The following WDR7 variants were observed in gnomAD, a reference collection of about 807,000 sequenced individuals.
The protein encoded by WDR7 is WD repeat domain 7.
A neutral mutation model predicts 169.4 loss-of-function variants in WDR7; 46 were observed. That is an observed-to-expected ratio of 0.27 (90% CI 0.21 to 0.35). WDR7 has a LOEUF of 0.35. Among genes scored for constraint, WDR7 ranks in the 10% least tolerant of loss-of-function variants. The pLI is 1.00. For synonymous variants in WDR7, 612 were observed against 666.8 expected, an observed-to-expected ratio of 0.92 and a Z score of 1.27; for missense variants, 1,534 against 1,859.3, an observed-to-expected ratio of 0.83 and a Z score of 3.22.
chr18:56,927,900 A>C (rs2046829439), intron 22 of WDR7, among the ~76,000 whole-genome samples: 1 of 152,150 alleles, frequency 6.6e-6, no homozygotes, highest in Non-Finnish European at 1.5e-5. Flanking sequence ...CCATGATGCA[A>C]AGTGGGAAGG....
chr18:56,963,633 C>T (rs2047365183), intron 26 of WDR7, among the ~76,000 whole-genome samples: 1 of 151,952 alleles, frequency 6.6e-6, no homozygotes, highest in African/African-American at 2.4e-5. Flanking sequence ...ATTTTCTGGG[C>T]GTGCATCAAA....
At chr18:56,800,830 G>A (rs12326383) in intron 19 of WDR7, among the ~76,000 whole-genome samples, 1,836 of 152,114 alleles carry the variant, frequency 0.012, 32 homozygotes, top group Middle Eastern at 0.075. Context: ...TATTTTCCCT[G>A]CCTTCCGTAG....
chr18:56,994,977 G>A (rs535999570), intron 26 of WDR7, among the ~76,000 whole-genome samples: 1 of 152,264 alleles, frequency 6.6e-6, no homozygotes, highest in South Asian at 2.1e-4. Flanking sequence ...ATCAAATTTA[G>A]AATCTAAGTT....
At chr18:56,812,515 C>G (rs2044888038) in intron 19 of WDR7, among the ~76,000 whole-genome samples, 1 of 152,152 alleles carries the variant, frequency 6.6e-6, no homozygotes, top group South Asian at 2.1e-4. Context: ...ATTGCAAAGG[C>G]TGGAATGTCC....
rs967991550 is a variant in WDR7 at position 57,029,649 on chromosome 18, G to A, written c.*2442G>A. The A allele has an allele frequency of 6.6e-6, 1 of 152,064 alleles. No homozygotes were observed. Among genetic ancestry groups the A allele is most frequent in the Non-Finnish European group, 1.5e-5 (1 of 68,014 alleles). 9.4% of individuals were successfully genotyped at this position (152,064 alleles called of 1,614,324 possible). The stretch of plus-strand genomic sequence containing the variant: ...CATGACGTGACACCTGTATGAAAAT[G>A]TGATGATTGAACTCCCTGTGTACAG... On this transcript the variant is annotated 3_prime_UTR_variant, in exon 28 of 28. Transcript: ENST00000254442.
At chr18:56,974,639 G>T (rs72930733) in intron 26 of WDR7, among the ~76,000 whole-genome samples, 5 of 152,128 alleles carry the variant, frequency 3.3e-5, no homozygotes, top group Admixed American at 6.5e-5. Flanking sequence ...CACCAGTTAG[G>T]ATATGTGACA....
Position 56,686,986 on chromosome 18 carries a change from A to G in WDR7, c.717+12A>G, listed in dbSNP as rs990688973. 6 of 1,598,730 alleles carry G rather than the reference A, an allele frequency of 3.8e-6. No individual in the cohort carries two copies. Among genetic ancestry groups the G allele is most frequent in the Non-Finnish European group, 5.1e-6 (6 of 1,172,906 alleles). On this transcript the variant is annotated intron_variant, in intron 7 of 27. Transcript: ENST00000254442. ...CCAAATATTGGAGGGTAAGATAATT[A>G]TATAAATAAGAAGCTGTATTTTTAT...
At chr18:56,992,339 T>C (rs1158964221) in intron 26 of WDR7, among the ~76,000 whole-genome samples, 2 of 152,246 alleles carry the variant, frequency 1.3e-5, no homozygotes, top group East Asian at 1.9e-4. Context: ...AATATCTTTA[T>C]GATGATGAAA....
chr18:56,992,969 A>G (rs1413419886), intron 26 of WDR7, among the ~76,000 whole-genome samples: 1 of 152,226 alleles, frequency 6.6e-6, no homozygotes, highest in Non-Finnish European at 1.5e-5. Context: ...TGCTGATTCA[A>G]ACTACAAGCT....
chr18:56,665,305 AAAAGAAG>A (rs2024995056), intron 1 of WDR7, among the ~76,000 whole-genome samples: 2 of 95,016 alleles, frequency 2.1e-5, no homozygotes, highest in Admixed American at 1.4e-4. Context: ...AAAAAAAAAA[AAAAGAAG>A]AAGAAGAAGA....
At chr18:56,913,507 C>T (rs1403723721) in intron 21 of WDR7, among the ~76,000 whole-genome samples, 1 of 151,080 alleles carries the variant, frequency 6.6e-6, no homozygotes, top group Admixed American at 6.6e-5. Context: ...AGAATTCAGA[C>T]AAGAAAGAGT....
chr18:56,874,825 C>CAAGA (rs1380961884), intron 20 of WDR7, among the ~76,000 whole-genome samples: 3 of 150,520 alleles, frequency 2.0e-5, no homozygotes, highest in African/African-American at 5.0e-5. Flanking sequence ...ATAACAGCAA[C>CAAGA]AAGAAGAAAT....
chr18:56,727,181 T>C (rs578087352), intron 13 of WDR7, among the ~76,000 whole-genome samples: 2 of 152,316 alleles, frequency 1.3e-5, no homozygotes, highest in Admixed American at 6.5e-5. Flanking sequence ...TCTATTTTTT[T>C]CCCAATTATT....
chr18:56,931,799 A>G lies in WDR7; in HGVS notation c.3714-3989A>G, dbSNP rs190800591. Among the ~76,000 whole-genome samples the G allele has an allele frequency of 4.2e-3, 635 of 152,168 alleles. 7 individuals are homozygous for G. Among genetic ancestry groups the G allele is most frequent in the African/African-American group, 0.015 (606 of 41,444 alleles). On this transcript the variant is annotated intron_variant, in intron 22 of 27. Transcript: ENST00000254442. ...GGGAGGAGACTGCACCAATGGGGAAAGGGCTAGAGGAGAAACCTTAGCAAA... is the reference window on the plus strand; with the variant it reads ...GGGAGGAGACTGCACCAATGGGGAAGGGGCTAGAGGAGAAACCTTAGCAAA...
intron 21 of WDR7, among the ~76,000 whole-genome samples, chr18:56,900,758 G>A (rs1050497478): frequency 6.6e-6 from 1 of 152,170 alleles, no homozygotes; most frequent in Non-Finnish European, 1.5e-5. Context: ...CAGGGATGGG[G>A]GCTAGAGCTG....
At chr18:56,738,380 G>A (rs1387482696) in intron 14 of WDR7, among the ~76,000 whole-genome samples, 2 of 152,074 alleles carry the variant, frequency 1.3e-5, no homozygotes, top group Non-Finnish European at 2.9e-5. Flanking sequence ...ACCAGCCTGG[G>A]CAATGGTGAA....
chr18:56,820,508 AT>A (rs138049227), intron 20 of WDR7, among the ~76,000 whole-genome samples: 2,115 of 151,966 alleles, frequency 0.014, 48 homozygotes, highest in African/African-American at 0.049. Flanking sequence ...CTACATTTTG[AT>A]TACTCATTCA....
chr18:56,731,078 A>G (rs896492758), intron 13 of WDR7, among the ~76,000 whole-genome samples: 45 of 152,188 alleles, frequency 3.0e-4, no homozygotes, highest in African/African-American at 9.9e-4. Flanking sequence ...ATGGGACAGG[A>G]GTAGTCAAGA....
chr18:56,781,552 C>T lies in WDR7; in HGVS notation c.3086C>T (p.Ala1029Val). 1 of 1,610,250 alleles carries T rather than the reference C, an allele frequency of 6.2e-7. No homozygotes were observed. Among genetic ancestry groups the T allele is most frequent in the Non-Finnish European group, 8.5e-7 (1 of 1,178,128 alleles). ...RCLEVREAAQ[A>V]LLLAELRRIE... ...TCTTAGGTGAGAGAAGCCGCGCAGGCCCTGCTTCTGGCGGAACTGAGAAGA... is the reference window on the plus strand; with the variant it reads ...TCTTAGGTGAGAGAAGCCGCGCAGGTCCTGCTTCTGGCGGAACTGAGAAGA... Residue 1029 changes from alanine to valine, a missense_variant, in exon 19 of 28, where the codon GCC (alanine) becomes GTC (valine). Coordinates refer to ENST00000254442, the MANE Select transcript of WDR7 (RefSeq NM_015285.3).
Sources: allele counts gnomAD v4.1 joint callset (sites outside exome capture counted in the v4.1 genomes callset), GRCh38; gene constraint gnomAD v4.1.1; transcripts MANE v1.5; gene names NCBI Gene and HGNC (gene_info 2026-07-23, HGNC 2026-07-21).